NEDD4L: variants seen among roughly 807,000 people sequenced by gnomAD.
NEDD4L encodes the protein E3 ubiquitin-protein ligase NEDD4-like.
A neutral mutation model predicts 148.9 loss-of-function variants in NEDD4L; 54 were observed. The ratio of observed to expected loss-of-function variants is 0.36; its 90% CI spans 0.29 to 0.45. NEDD4L has a LOEUF of 0.45. Ranked by LOEUF, NEDD4L falls within the 20% of genes least tolerant of loss-of-function variation. The pLI is 1.00. For missense variants in NEDD4L, 856 were observed against 1,233.8 expected (o/e 0.69, Z 4.59); for synonymous variants, 433 against 440.7 (o/e 0.98, Z 0.22).
chr18:58,268,445 C>T (rs1010396022), intron 5 of NEDD4L, among the ~76,000 whole-genome samples: 1 of 152,046 alleles, frequency 6.6e-6, no homozygotes. Context: ...GTGCAAATCT[C>T]CCCCCACAGA....
chr18:58,395,165 C>T (rs1162597579), intron 30 of NEDD4L, among the ~76,000 whole-genome samples: 3 of 152,164 alleles, frequency 2.0e-5, no homozygotes, highest in Non-Finnish European at 2.9e-5. Flanking sequence ...TGAGCTCTTA[C>T]GTCATAATGA....
chr18:58,255,444 G>C, intron 5 of NEDD4L: 2 of 1,167,604 alleles, frequency 1.7e-6, no homozygotes, highest in Non-Finnish European at 2.1e-6. Flanking sequence ...AGAGCTTTTT[G>C]CTCTTATCCA....
At chr18:58,058,009 T>C (rs953613320) in intron 1 of NEDD4L, among the ~76,000 whole-genome samples, 1 of 152,128 alleles carries the variant, frequency 6.6e-6, no homozygotes, top group Non-Finnish European at 1.5e-5. Flanking sequence ...AAAGCAATTT[T>C]TAAAAAATGG....
At chr18:58,341,270 C>G in intron 14 of NEDD4L, 101 bp downstream of exon 14, 1 of 1,319,112 alleles carries the variant, frequency 7.6e-7, no homozygotes, top group Non-Finnish European at 1.0e-6. Flanking sequence ...CTGAAAGACC[C>G]GTATTTGTAA....
intron 1 of NEDD4L, among the ~76,000 whole-genome samples, chr18:58,161,327 G>A (rs997928556): frequency 9.2e-5 from 14 of 152,204 alleles, no homozygotes; most frequent in Non-Finnish European, 1.2e-4. Flanking sequence ...CACCGTACCC[G>A]GCAGGTTTGT....
At chr18:58,143,280 C>T (rs1416787768) in intron 1 of NEDD4L, among the ~76,000 whole-genome samples, 1 of 152,138 alleles carries the variant, frequency 6.6e-6, no homozygotes, top group African/African-American at 2.4e-5. Flanking sequence ...TGATAAGTAA[C>T]CCTGCACCCT....
At chr18:58,281,810 G>A (rs1432402034) in intron 5 of NEDD4L, among the ~76,000 whole-genome samples, 1 of 151,998 alleles carries the variant, frequency 6.6e-6, no homozygotes, top group East Asian at 1.9e-4. Flanking sequence ...CGGATCACGA[G>A]GTCAGGAGAT....
At chr18:58,284,846 G>A (rs2053657652) in intron 5 of NEDD4L, among the ~76,000 whole-genome samples, 2 of 152,138 alleles carry the variant, frequency 1.3e-5, no homozygotes, top group African/African-American at 2.4e-5. Context: ...AACCCCACAG[G>A]GCTATGTGGA....
At chr18:58,081,165 C>T (rs2145100148) in intron 1 of NEDD4L, among the ~76,000 whole-genome samples, 1 of 149,044 alleles carries the variant, frequency 6.7e-6, no homozygotes, top group African/African-American at 2.5e-5. Flanking sequence ...AACATGCATT[C>T]TGAGTTTTAG....
At chr18:58,083,576 T>C (rs1357116541) in intron 1 of NEDD4L, among the ~76,000 whole-genome samples, 2 of 152,048 alleles carry the variant, frequency 1.3e-5, no homozygotes, top group African/African-American at 4.8e-5. Flanking sequence ...TAGTTCCAGC[T>C]ACTCAGGAGG....
chr18:58,060,096 G>A lies in NEDD4L; in HGVS notation c.48+15388G>A, dbSNP rs1333766852. 2.7e-5 allele frequency among the ~76,000 whole-genome samples: 4 copies of A among 145,836 alleles called. No homozygotes were observed. The Admixed American group carries it at 2.8e-4, about 10-fold the overall frequency. ...TAGACACCCGGAGTGGAACCATCAC[G>A]CTGTGGTGTGTCCGGGAGTGCTTCA... On this transcript the variant is annotated intron_variant, in intron 1 of 30. Transcript: ENST00000400345.
chr18:58,381,540 G>A (rs1198804557), intron 24 of NEDD4L, among the ~76,000 whole-genome samples: 1 of 152,182 alleles, frequency 6.6e-6, no homozygotes, highest in Admixed American at 6.5e-5. Flanking sequence ...CCCTGTGCGA[G>A]GGGAAAGGGT....
intron 26 of NEDD4L, 63 bp downstream of exon 26, chr18:58,385,649 C>G: frequency 1.5e-6 from 2 of 1,339,300 alleles, no homozygotes; most frequent in South Asian, 2.3e-5. Context: ...TGGGGGATCG[C>G]GCTTCTCCTT....
chr18:58,276,194 GT>G (rs1200942500), intron 5 of NEDD4L, among the ~76,000 whole-genome samples: 180 of 57,506 alleles, frequency 3.1e-3, no homozygotes, highest in South Asian at 8.5e-3. Flanking sequence ...TTTCTTTTTC[GT>G]TTTTTTTTTT....
At chr18:58,074,273 T>G (rs1293177857) in intron 1 of NEDD4L, among the ~76,000 whole-genome samples, 1 of 151,674 alleles carries the variant, frequency 6.6e-6, no homozygotes, top group Admixed American at 6.6e-5. Context: ...TTTTTTTTTT[T>G]TTTTTAAGAC....
intron 1 of NEDD4L, among the ~76,000 whole-genome samples, chr18:58,059,870 A>G (rs62094342): frequency 0.16 from 23,811 of 152,242 alleles, 2,111 homozygotes; most frequent in African/African-American, 0.23. Context: ...AATAACATGT[A>G]CATGACAAAC....
intron 1 of NEDD4L, among the ~76,000 whole-genome samples, chr18:58,082,102 A>ATATTT: frequency 2.0e-4 from 10 of 48,832 alleles, no homozygotes; most frequent in East Asian, 1.8e-3. Context: ...ATATATATAT[A>ATATTT]TTTTTTTTTT....
In NEDD4L at chr18:58,044,599, G is replaced by T; in HGVS notation, c.-62G>T. 2.0e-6 allele frequency: 3 copies of T among 1,521,266 alleles called. No individual in the cohort carries two copies. The highest frequency in any genetic ancestry group is 2.6e-6 in the Non-Finnish European group (3 of 1,134,690). The allele number at this position is 1,521,266 out of a possible 1,614,324, so 94.2% of individuals were successfully genotyped here. Reference sequence around the variant, plus strand: ...GACCTGGAGGCAGAGGGGAGAACCGGCCGTCCGCGCCGCAGCACAGCCGCT... The same window carrying T: ...GACCTGGAGGCAGAGGGGAGAACCGTCCGTCCGCGCCGCAGCACAGCCGCT... On this transcript the variant is annotated 5_prime_UTR_variant, in exon 1 of 31. Transcript: ENST00000400345.
intron 5 of NEDD4L, among the ~76,000 whole-genome samples, chr18:58,301,483 C>A (rs62096389): frequency 0.067 from 10,248 of 152,260 alleles, 514 homozygotes; most frequent in Admixed American, 0.14. Context: ...TGTAGAATAA[C>A]AGTCTAATTT....
Sources: allele counts gnomAD v4.1 joint callset (sites outside exome capture counted in the v4.1 genomes callset), GRCh38; gene constraint gnomAD v4.1.1; transcripts MANE v1.5; gene names NCBI Gene and HGNC (gene_info 2026-07-23, HGNC 2026-07-21).